Variants in SBF2 observed in about 807,000 individuals in gnomAD.
SBF2 encodes the protein SET binding factor 2.
A neutral mutation model predicts 225.2 loss-of-function variants in SBF2; 112 were observed. The observed-to-expected ratio is 0.50, with a 90% CI of 0.43 to 0.58. The LOEUF is 0.58. Among genes scored for constraint, SBF2 ranks in the 20% least tolerant of loss-of-function variants. The probability of loss-of-function intolerance (pLI) is 0.00; values close to 1 mark genes in which losing one functional copy is unlikely to be tolerated. For synonymous variants in SBF2, 763 were observed against 773.3 expected, an observed-to-expected ratio of 0.99 and a Z score of 0.22; for missense variants, 1,996 against 2,206.2, an observed-to-expected ratio of 0.90 and a Z score of 1.91.
At chr11:9,897,919 G>C (rs1861400192) in intron 16 of SBF2, among the ~76,000 whole-genome samples, 1 of 152,040 alleles carries the variant, frequency 6.6e-6, no homozygotes, top group Admixed American at 6.6e-5. Flanking sequence ...TTTAATTTTT[G>C]AGGTAGAACA....
intron 2 of SBF2, among the ~76,000 whole-genome samples, chr11:10,110,125 AT>A (rs1277507746): frequency 6.6e-6 from 1 of 152,240 alleles, no homozygotes; most frequent in Non-Finnish European, 1.5e-5. Flanking sequence ...AAAATAAAAC[AT>A]TTCTTCACTG....
Position 9,973,323 on chromosome 11 carries a change from A to C in SBF2, c.1396-4778T>G, listed in dbSNP as rs544107967. On this transcript the variant is annotated intron_variant, in intron 13 of 39. Transcript: ENST00000256190. ...ATTTTGTGTTGAATCTCCTTGTTGA[A>C]ATAAGGAAATCCGTTATTTTCCGAC... 3.3e-5 allele frequency among the ~76,000 whole-genome samples: 5 copies of C among 152,344 alleles called. No individual in the cohort carries two copies. The South Asian group carries it at 1.0e-3, about 32-fold the overall frequency.
chr11:10,301,834 A>G (rs770205864), intron 1 of SBF2, among the ~76,000 whole-genome samples: 22 of 152,316 alleles, frequency 1.4e-4, no homozygotes, highest in Middle Eastern at 3.4e-3. Context: ...TTGAAACACC[A>G]TTACGCAAAA....
At chr11:9,994,083 A>G in intron 9 of SBF2, 85 bp from the exon 10 acceptor site, 14 of 971,576 alleles carry the variant, frequency 1.4e-5, no homozygotes, top group Non-Finnish European at 2.1e-5. Context: ...ATGTCAGCAT[A>G]TGAATTATAA....
At chr11:10,242,975 C>T (rs1959377754) in intron 1 of SBF2, among the ~76,000 whole-genome samples, 1 of 152,036 alleles carries the variant, frequency 6.6e-6, no homozygotes. Flanking sequence ...CACTATAGAT[C>T]AAATAAACCT....
intron 2 of SBF2, among the ~76,000 whole-genome samples, chr11:10,174,345 C>T (rs1026804900): frequency 3.9e-5 from 6 of 152,078 alleles, no homozygotes; most frequent in African/African-American, 1.2e-4. Context: ...AACCAAGGCT[C>T]GAGAACTACG....
intron 2 of SBF2, among the ~76,000 whole-genome samples, chr11:10,102,992 G>T (rs1172865463): frequency 2.0e-5 from 3 of 152,130 alleles, no homozygotes; most frequent in African/African-American, 7.2e-5. Flanking sequence ...GAGAGACAAT[G>T]AAAGATTTTT....
At chr11:10,294,305 C>T (rs1213904677), upstream of SBF2, 1 of 350,856 alleles carries the variant, frequency 2.9e-6, no homozygotes, top group Non-Finnish European at 5.1e-6. Context: ...GCGAGCCCAC[C>T]TCCACCCTCC....
chr11:10,091,409 C>T (rs1192909856), intron 2 of SBF2, among the ~76,000 whole-genome samples: 5 of 152,176 alleles, frequency 3.3e-5, no homozygotes, highest in Admixed American at 2.0e-4. Flanking sequence ...CTGTACTCTA[C>T]ACTATAACCT....
Position 9,962,102 on chromosome 11 carries a change from A to G in SBF2, c.1715T>C (p.Leu572Pro). The G allele has an allele frequency of 6.2e-7, 1 of 1,614,110 alleles. No individual in the cohort carries two copies. Among genetic ancestry groups the G allele is most frequent in the Non-Finnish European group, 8.5e-7 (1 of 1,179,974 alleles). ...TTTAAGGGCTCTGAGTGCAGCAGGA[A>G]GGGTCTGAGGACAAGAGAGGTACAA... ...ENKILETEKT[L>P]PAALRALKGK... Residue 572 changes from leucine to proline, a missense_variant, in exon 16 of 40, where the codon CTT becomes CCT. By Grantham distance (98) the Leu-to-Pro change is moderately conservative. Transcript: ENST00000256190.
chr11:9,997,739 C>T (rs1372445692), intron 9 of SBF2, among the ~76,000 whole-genome samples: 2 of 152,206 alleles, frequency 1.3e-5, no homozygotes, highest in Admixed American at 6.5e-5. Context: ...GATCGTGCCA[C>T]TGCACTCCAG....
At chr11:9,873,921 C>A (rs890453052) in intron 17 of SBF2, among the ~76,000 whole-genome samples, 4 of 131,834 alleles carry the variant, frequency 3.0e-5, no homozygotes, top group Non-Finnish European at 3.2e-5. Flanking sequence ...TGGTGGCAGG[C>A]GCATGTAATC....
At chr11:10,017,789 A>G (rs1166194977) in intron 6 of SBF2, among the ~76,000 whole-genome samples, 1 of 152,192 alleles carries the variant, frequency 6.6e-6, no homozygotes, top group African/African-American at 2.4e-5. Context: ...ACTAAATATA[A>G]GAAGTCAATT....
intron 6 of SBF2, among the ~76,000 whole-genome samples, chr11:10,004,744 G>A (rs1454855250): frequency 6.6e-6 from 1 of 152,064 alleles, no homozygotes; most frequent in African/African-American, 2.4e-5. Flanking sequence ...GTTTCACTAA[G>A]CCAGACTAAA....
intron 2 of SBF2, among the ~76,000 whole-genome samples, chr11:10,173,517 C>T (rs956457961): frequency 1.3e-5 from 2 of 152,196 alleles, no homozygotes; most frequent in Non-Finnish European, 2.9e-5. Context: ...CCTACGCCCA[C>T]GGAGTCTCGC....
At chr11:9,995,649 CTT>C (rs375157492) in intron 9 of SBF2, among the ~76,000 whole-genome samples, 10 of 141,598 alleles carry the variant, frequency 7.1e-5, no homozygotes, top group Non-Finnish European at 6.2e-5. Flanking sequence ...TTTTTCTTTT[CTT>C]TTTTTTTTTT....
At chr11:9,786,140 C>T (rs919338010) in intron 36 of SBF2, among the ~76,000 whole-genome samples, 3 of 152,132 alleles carry the variant, frequency 2.0e-5, no homozygotes, top group African/African-American at 4.8e-5. Context: ...GGATTACAGG[C>T]ATGAGCCACT....
intron 1 of SBF2, among the ~76,000 whole-genome samples, chr11:10,299,787 G>A (rs1964578268): frequency 6.6e-6 from 1 of 152,190 alleles, no homozygotes. Flanking sequence ...CCACCGTGCT[G>A]CTTCCTTTCT....
chr11:9,844,417 A>G (rs1476450141), intron 24 of SBF2, among the ~76,000 whole-genome samples: 1 of 152,216 alleles, frequency 6.6e-6, no homozygotes, highest in African/African-American at 2.4e-5. Flanking sequence ...CGAATTCTAC[A>G]TGGTTAACAG....
Sources: gnomAD v4.1 joint callset for allele counts (sites outside exome capture counted in the v4.1 genomes callset) on GRCh38, gnomAD v4.1.1 for gene constraint, MANE v1.5 for transcripts, NCBI Gene and HGNC (gene_info 2026-07-23, HGNC 2026-07-21) for gene names.